The following DLGAP1 variants were observed in gnomAD, a reference collection of about 807,000 sequenced individuals.
DLGAP1 encodes disks large-associated protein 1.
DLGAP1 carries 11 observed loss-of-function variants against 90.8 expected under a neutral mutation model. The ratio of observed to expected loss-of-function variants is 0.12; its 90% CI spans 0.08 to 0.20. The LOEUF (loss-of-function observed/expected upper bound fraction) is 0.20, where lower values mean the gene tolerates loss of function less well. Among genes scored for constraint, DLGAP1 ranks in the 10% least tolerant of loss-of-function variants. DLGAP1 has a pLI of 1.00. For missense variants in DLGAP1, 1,050 were observed against 1,333.8 expected, an observed-to-expected ratio of 0.79 and a Z score of 3.31; for synonymous variants, 558 against 540.7, an observed-to-expected ratio of 1.03 and a Z score of -0.44.
chr18:4,045,699 T>C (rs1194300383), intron 2 of DLGAP1, among the ~76,000 whole-genome samples: 1 of 151,104 alleles, frequency 6.6e-6, no homozygotes, highest in Non-Finnish European at 1.5e-5. Context: ...AGTAATATAA[T>C]GTTAATTAGA....
chr18:3,705,303 CT>C lies in DLGAP1; in HGVS notation c.1591+23831del, dbSNP rs34878394. On this transcript the variant is annotated intron_variant, in intron 7 of 12. Coordinates refer to ENST00000315677, the MANE Select transcript of DLGAP1 (RefSeq NM_004746.4). The stretch of plus-strand genomic sequence containing the variant: ...GAAACATTTTCAACTTTTCAGGCTA[CT>C]TTTTTTTTTTTTTTCCAGGAAACTT... Among the ~76,000 whole-genome samples the C allele has an allele frequency of 5.5e-3, 785 of 142,020 alleles. 8 individuals carry two copies. Among genetic ancestry groups the C allele is most frequent in the African/African-American group, 0.014 (543 of 38,750 alleles). The allele number at this position is 142,020 out of a possible 152,430, so 93.2% of individuals were successfully genotyped here.
intron 2 of DLGAP1, among the ~76,000 whole-genome samples, chr18:4,097,768 A>G (rs1238848797): frequency 2.6e-5 from 4 of 152,246 alleles, no homozygotes; most frequent in Admixed American, 6.5e-5. Flanking sequence ...CGACAAAAAT[A>G]TTCAGATAGA....
At chr18:4,363,171 G>A (rs1414355942) in intron 1 of DLGAP1, among the ~76,000 whole-genome samples, 2 of 152,150 alleles carry the variant, frequency 1.3e-5, no homozygotes, top group Non-Finnish European at 2.9e-5. Flanking sequence ...GATAAAAAAT[G>A]TAAATGTAAG....
intron 3 of DLGAP1, among the ~76,000 whole-genome samples, chr18:3,906,003 A>G (rs552923630): frequency 4.3e-4 from 65 of 152,320 alleles, no homozygotes; most frequent in African/African-American, 1.5e-3. Flanking sequence ...TCTGCAAAAC[A>G]TACCTGAGGA....
chr18:3,719,438 A>G lies in DLGAP1; in HGVS notation c.1591+9697T>C, dbSNP rs142648792. 3.4e-3 allele frequency among the ~76,000 whole-genome samples: 509 copies of G among 151,536 alleles called. 3 individuals carry two copies. Among genetic ancestry groups the G allele is most frequent in the South Asian group, 5.6e-3 (27 of 4,792 alleles). On this transcript the variant is annotated intron_variant, in intron 7 of 12. Transcript: ENST00000315677. Reference sequence around the variant, plus strand: ...CCGGGTGTGGTGGCGGGCACCTGTAATCCCAGCTACTAGGAGGCTGAGGCA... The same window carrying G: ...CCGGGTGTGGTGGCGGGCACCTGTAGTCCCAGCTACTAGGAGGCTGAGGCA...
At chr18:4,071,886 T>G (rs1269754497) in intron 2 of DLGAP1, among the ~76,000 whole-genome samples, 1 of 152,232 alleles carries the variant, frequency 6.6e-6, no homozygotes, top group African/African-American at 2.4e-5. Context: ...TGTTCCTAAG[T>G]ATATTGCAGC....
intron 1 of DLGAP1, among the ~76,000 whole-genome samples, chr18:4,448,402 C>G (rs1217038756): frequency 6.6e-6 from 1 of 152,054 alleles, no homozygotes; most frequent in Non-Finnish European, 1.5e-5. Flanking sequence ...TTTGTTTGCC[C>G]ATACTTGGAA....
rs1005134429 is a variant in DLGAP1, at chr18:4,428,450, C to T, written c.-267+26556G>A. Among the ~76,000 whole-genome samples the T allele has an allele frequency of 2.7e-4, 41 of 152,196 alleles. 1 individual carries two copies. The highest frequency in any genetic ancestry group is 2.5e-3 in the South Asian group (12 of 4,816). The stretch of plus-strand genomic sequence containing the variant: ...TACAAAAATTAGCTGGGCATGGTGG[C>T]GCACACCTGTAATCCCAGCTACTTG... On this transcript the variant is annotated intron_variant, in intron 1 of 12. Transcript: ENST00000315677.
At chr18:4,437,085 G>C (rs1160864808) in intron 1 of DLGAP1, among the ~76,000 whole-genome samples, 3 of 152,188 alleles carry the variant, frequency 2.0e-5, no homozygotes, top group Non-Finnish European at 4.4e-5. Flanking sequence ...AAGCAGCCAA[G>C]GGGAAAATCC....
intron 10 of DLGAP1, among the ~76,000 whole-genome samples, chr18:3,528,764 T>C (rs779740581): frequency 1.3e-5 from 2 of 152,218 alleles, no homozygotes; most frequent in African/African-American, 2.4e-5. Flanking sequence ...GCATTTGAAA[T>C]TGGTGACTCT....
At chr18:4,087,413 A>G (rs2075703260) in intron 2 of DLGAP1, among the ~76,000 whole-genome samples, 2 of 152,232 alleles carry the variant, frequency 1.3e-5, no homozygotes. Flanking sequence ...CACAAACAAT[A>G]GCATGAGCGA....
At chr18:3,511,695 T>C (rs2050554796) in intron 10 of DLGAP1, among the ~76,000 whole-genome samples, 1 of 152,126 alleles carries the variant, frequency 6.6e-6, no homozygotes, top group African/African-American at 2.4e-5. Context: ...CCTCCCAAAG[T>C]GCTGGGATTA....
At chr18:4,103,209 A>T (rs1248740090) in intron 2 of DLGAP1, among the ~76,000 whole-genome samples, 1 of 152,058 alleles carries the variant, frequency 6.6e-6, no homozygotes, top group African/African-American at 2.4e-5. Flanking sequence ...TTTAGAACTG[A>T]TGGAAACACT....
At chr18:3,609,641 G>A (rs1051123059) in intron 7 of DLGAP1, among the ~76,000 whole-genome samples, 2 of 152,270 alleles carry the variant, frequency 1.3e-5, no homozygotes, top group South Asian at 2.1e-4. Context: ...TGCGGTGAGC[G>A]AAGAGGTGAA....
chr18:3,755,857 G>C (rs1408055271), intron 5 of DLGAP1, among the ~76,000 whole-genome samples: 2 of 152,082 alleles, frequency 1.3e-5, no homozygotes, highest in African/African-American at 4.8e-5. Context: ...AACAAAACCA[G>C]AATACATACT....
chr18:4,008,101 C>T (rs1394544428), intron 2 of DLGAP1, among the ~76,000 whole-genome samples: 1 of 152,116 alleles, frequency 6.6e-6, no homozygotes, highest in Non-Finnish European at 1.5e-5. Context: ...GATTTTTCCA[C>T]TGAACTTTAT....
intron 2 of DLGAP1, among the ~76,000 whole-genome samples, chr18:4,113,673 C>T (rs773518058): frequency 1.3e-5 from 2 of 152,008 alleles, no homozygotes; most frequent in African/African-American, 2.4e-5. Context: ...AGAACTTAGT[C>T]GTAAATTCTT....
In DLGAP1 at chr18:3,525,101, AAAT is replaced by A. The variant is rs758062478; in HGVS notation, c.2479+9090_2479+9092del. On this transcript the variant is annotated intron_variant, in intron 10 of 12. Transcript: ENST00000315677. Reference sequence around the variant, plus strand: ...ACAGTGTTCTGGGGGAAAAAAAAAAAAATCAACAACATTATTTTGTTTTTAAAG... The same window carrying A: ...ACAGTGTTCTGGGGGAAAAAAAAAAACAACAACATTATTTTGTTTTTAAAG... Among the ~76,000 whole-genome samples, 767 of 139,902 alleles carry A rather than the reference AAAT, an allele frequency of 5.5e-3. 10 individuals are homozygous for A. Among genetic ancestry groups the A allele is most frequent in the African/African-American group, 0.016 (605 of 38,306 alleles). 91.8% of individuals were successfully genotyped at this position (139,902 alleles called of 152,430 possible).
intron 3 of DLGAP1, among the ~76,000 whole-genome samples, chr18:3,967,237 C>T (rs1010305719): frequency 6.6e-6 from 1 of 152,200 alleles, no homozygotes; most frequent in African/African-American, 2.4e-5. Context: ...TCAAAACAGT[C>T]GCTGGGCTCC....
Sources: allele counts gnomAD v4.1 joint callset (sites outside exome capture counted in the v4.1 genomes callset), GRCh38; gene constraint gnomAD v4.1.1; transcripts MANE v1.5; gene names NCBI Gene and HGNC (gene_info 2026-07-23, HGNC 2026-07-21).